CCSER1: variants seen among roughly 807,000 people sequenced by gnomAD.
CCSER1 encodes the protein coiled-coil serine rich protein 1, also known as serine-rich coiled-coil domain-containing protein 1.
A neutral mutation model predicts 82.0 loss-of-function variants in CCSER1; 41 were observed. The observed-to-expected ratio is 0.50, with a 90% CI of 0.39 to 0.65. The LOEUF (loss-of-function observed/expected upper bound fraction) is 0.65. Ranked by LOEUF, CCSER1 falls within the 30% of genes least tolerant of loss-of-function variation. The probability of loss-of-function intolerance (pLI) is 0.00; values close to 1 mark genes in which losing one functional copy is unlikely to be tolerated. For synonymous variants in CCSER1, 414 were observed against 383.9 expected, an observed-to-expected ratio of 1.08 and a Z score of -0.92; for missense variants, 1,119 against 1,064.2, an observed-to-expected ratio of 1.05 and a Z score of -0.72.
chr4:90,235,444 T>G (rs1431022), intron 1 of CCSER1: 93,223 of 152,004 alleles, frequency 0.61, 29,969 homozygotes, highest in East Asian at 0.83. Context: ...TCTTTTCCCA[T>G]AGGCTCTTAT....
At chr4:90,140,941 C>T (rs1029298371) in intron 1 of CCSER1, among the ~76,000 whole-genome samples, 7 of 151,466 alleles carry the variant, frequency 4.6e-5, no homozygotes, top group South Asian at 4.2e-4. Flanking sequence ...CTGGGATTAC[C>T]GGAGTGAGCC....
chr4:91,078,648 T>C (rs62311032), intron 9 of CCSER1, among the ~76,000 whole-genome samples: 15 of 152,170 alleles, frequency 9.9e-5, no homozygotes, highest in Non-Finnish European at 1.9e-4. Context: ...TAAAGGAGGA[T>C]GTACGAACCC....
chr4:91,273,715 A>C (rs1742215017), intron 10 of CCSER1, among the ~76,000 whole-genome samples: 1 of 152,038 alleles, frequency 6.6e-6, no homozygotes, highest in East Asian at 1.9e-4. Flanking sequence ...ACTTTTCTCT[A>C]TTCAGTATTA....
chr4:91,508,569 T>A (rs1156546401), intron 10 of CCSER1, among the ~76,000 whole-genome samples: 5 of 151,770 alleles, frequency 3.3e-5, no homozygotes, highest in Non-Finnish European at 5.9e-5. Flanking sequence ...TTTTTTTTTT[T>A]TTTTCACATG....
At chr4:91,499,924 C>T (rs1417771203) in intron 10 of CCSER1, among the ~76,000 whole-genome samples, 1 of 151,940 alleles carries the variant, frequency 6.6e-6, no homozygotes. Context: ...ATGAATAAAG[C>T]AGTTATAAAT....
chr4:91,477,144 G>A (rs1469817498), intron 10 of CCSER1, among the ~76,000 whole-genome samples: 1 of 151,644 alleles, frequency 6.6e-6, no homozygotes, highest in Non-Finnish European at 1.5e-5. Flanking sequence ...CACAGAATGG[G>A]AGAAAATATT....
chr4:90,374,322 T>G (rs1382455242), intron 3 of CCSER1, among the ~76,000 whole-genome samples: 1 of 152,140 alleles, frequency 6.6e-6, no homozygotes, highest in Admixed American at 6.6e-5. Context: ...AATTGGAAAG[T>G]TATTAGCAGA....
chr4:91,182,945 G>A (rs1056507546), intron 10 of CCSER1, among the ~76,000 whole-genome samples: 1 of 152,326 alleles, frequency 6.6e-6, no homozygotes, highest in East Asian at 1.9e-4. Flanking sequence ...TTCTTTCCAG[G>A]TAATGCTGTA....
chr4:91,413,514 A>G (rs753665971), intron 10 of CCSER1, among the ~76,000 whole-genome samples: 1 of 151,952 alleles, frequency 6.6e-6, no homozygotes, highest in African/African-American at 2.4e-5. Context: ...ACAAAAAAAA[A>G]CAAAAAGAAT....
intron 4 of CCSER1, among the ~76,000 whole-genome samples, chr4:90,416,543 A>G (rs552421835): frequency 1.3e-5 from 2 of 152,302 alleles, no homozygotes; most frequent in African/African-American, 4.8e-5. Flanking sequence ...AATGAGTGAC[A>G]TGCAAAGTTC....
At chr4:90,750,620 C>G (rs1165020280) in intron 7 of CCSER1, among the ~76,000 whole-genome samples, 1 of 152,128 alleles carries the variant, frequency 6.6e-6, no homozygotes, top group Admixed American at 6.6e-5. Context: ...AAATGCTCCT[C>G]TCTTTATACT....
chr4:90,309,373 A>G lies in CCSER1; in HGVS notation c.1089A>G (p.Ser363=), dbSNP rs1437782286. ...TACCTGCTACAAGTGTGAGCCACTC[A>G]GAGAGTAACCTACCAGCAGATAGTG... ...AELPATSVSH[S]ESNLPADSER... is the part of the protein sequence containing the mutation. Residue 363 remains serine (S), a synonymous_variant, in exon 2 of 11, where the codon TCA becomes TCG. Coordinates refer to ENST00000509176, the MANE Select transcript of CCSER1 (RefSeq NM_001145065.2). 1.2e-6 allele frequency: 2 copies of G among 1,613,912 alleles called. No homozygotes were observed. Among genetic ancestry groups the G allele is most frequent in the Non-Finnish European group, 1.7e-6 (2 of 1,179,828 alleles).
At chr4:91,098,794 G>A (rs1724766135) in intron 10 of CCSER1, among the ~76,000 whole-genome samples, 1 of 152,114 alleles carries the variant, frequency 6.6e-6, no homozygotes, top group Admixed American at 6.6e-5. Flanking sequence ...GCCCGCCTCG[G>A]CCTCCCAAAG....
intron 10 of CCSER1, among the ~76,000 whole-genome samples, chr4:91,244,350 A>C (rs971335349): frequency 1.3e-5 from 2 of 152,176 alleles, no homozygotes; most frequent in African/African-American, 4.8e-5. Flanking sequence ...TACTACCTTG[A>C]AGGGAAGGGC....
At chr4:91,028,585 A>T (rs915521145) in intron 9 of CCSER1, among the ~76,000 whole-genome samples, 1 of 152,008 alleles carries the variant, frequency 6.6e-6, no homozygotes, top group Non-Finnish European at 1.5e-5. Flanking sequence ...AATGAAATAG[A>T]GCATGACATA....
At chr4:90,533,487 A>C (rs995225679) in intron 5 of CCSER1, among the ~76,000 whole-genome samples, 3 of 152,216 alleles carry the variant, frequency 2.0e-5, no homozygotes, top group African/African-American at 7.2e-5. Context: ...AGAAGCCTGA[A>C]TGCCTTCTGC....
intron 3 of CCSER1, among the ~76,000 whole-genome samples, chr4:90,333,773 C>A (rs1439455116): frequency 2.0e-5 from 3 of 152,136 alleles, no homozygotes; most frequent in Non-Finnish European, 4.4e-5. Context: ...GTTCAAAGAG[C>A]ATTTGATTAA....
intron 5 of CCSER1, among the ~76,000 whole-genome samples, chr4:90,483,449 T>G (rs1766433752): frequency 6.6e-6 from 1 of 152,230 alleles, no homozygotes; most frequent in African/African-American, 2.4e-5. Context: ...TGTTAGTTGA[T>G]GCAGTTTCTT....
intron 4 of CCSER1, among the ~76,000 whole-genome samples, chr4:90,442,992 T>C (rs1034993324): frequency 1.3e-5 from 2 of 152,168 alleles, no homozygotes; most frequent in African/African-American, 4.8e-5. Flanking sequence ...AGTAGATGTC[T>C]GAAAATGCTG....
Sources: allele counts gnomAD v4.1 joint callset (sites outside exome capture counted in the v4.1 genomes callset), GRCh38; gene constraint gnomAD v4.1.1; transcripts MANE v1.5; gene names NCBI Gene and HGNC (gene_info 2026-07-23, HGNC 2026-07-21).